Variants in IER2 observed in about 807,000 individuals in gnomAD.
IER2 encodes immediate early response 2.
For missense variants in IER2, 372 were observed against 325.4 expected, an observed-to-expected ratio of 1.14 and a Z score of -1.10; for synonymous variants, 198 against 149.6, an observed-to-expected ratio of 1.32 and a Z score of -2.36.
At chr19:13,152,247 T>C (rs1050642516) in intron 1 of IER2, 2 of 152,198 alleles carry the variant, frequency 1.3e-5, no homozygotes, top group Non-Finnish European at 2.9e-5. Flanking sequence ...GGGACTGTCG[T>C]GCGCGCCGGG....
chr19:13,152,043 T>C (rs1428306790), intron 1 of IER2: 1 of 152,244 alleles, frequency 6.6e-6, no homozygotes, highest in Non-Finnish European at 1.5e-5. Context: ...CGAACAATTC[T>C]GCATCCTATT....
rs753839945 is a variant in IER2 at position 13,153,561 on chromosome 19, C to T, written c.375C>T (p.Ser125=). Residue 125 remains serine, a synonymous_variant, in exon 2 of 2, where the codon AGC becomes AGT. Transcript: ENST00000292433. ...PAKVSRKRRS[S]SLSDGGDAGL... ...AAGTCAGCCGCAAACGACGCAGCAGCAGCCTGAGCGACGGCGGGGACGCTG... is the reference window on the plus strand; with the variant it reads ...AAGTCAGCCGCAAACGACGCAGCAGTAGCCTGAGCGACGGCGGGGACGCTG... The T allele has an allele frequency of 1.1e-5, 18 of 1,596,332 alleles. No individual in the cohort carries two copies. Among genetic ancestry groups the T allele is most frequent in the South Asian group, 3.4e-5 (3 of 89,122 alleles).
chr19:13,153,622 A>AAGGAAGAAG lies in IER2; in HGVS notation c.441_449dup (p.Glu148_Glu150dup). ...GAGCAAGAAAGCCCGTCTGGAAGAAAAGGAAGAAGAGGAGGGAGCGTCATC... is the reference window on the plus strand; with the variant it reads ...GAGCAAGAAAGCCCGTCTGGAAGAAAAGGAAGAAGAGGAAGAAGAGGAGGGAGCGTCATC... On this transcript the variant is annotated inframe_insertion, in exon 2 of 2. Coordinates refer to ENST00000292433, the MANE Select transcript of IER2 (RefSeq NM_004907.3). The AAGGAAGAAG allele has an allele frequency of 1.9e-6, 3 of 1,612,936 alleles. No individual in the cohort carries two copies. Among genetic ancestry groups the AAGGAAGAAG allele is most frequent in the Non-Finnish European group, 2.5e-6 (3 of 1,179,524 alleles).
In IER2 at chr19:13,154,702, G is replaced by C. The variant is rs1278898660; in HGVS notation, c.*844G>C. The stretch of plus-strand genomic sequence containing the variant: ...CTGAATCACGAGAATGTGGAGGGGT[G>C]GGGGGTGTCAGTGGAAAGGCATAAG... On this transcript the variant is annotated 3_prime_UTR_variant, in exon 2 of 2. Transcript: ENST00000292433. The C allele has an allele frequency of 1.2e-5, 2 of 167,104 alleles. No homozygotes were observed. The highest frequency in any genetic ancestry group is 4.8e-5 in the African/African-American group (2 of 41,402). The allele number at this position is 167,104 out of a possible 1,614,324, so 10.4% of individuals were successfully genotyped here. A position where few individuals can be genotyped will look rare whatever the true frequency, so the allele number is the denominator to read the frequency against.
rs2020099427 is a variant in IER2, at chr19:13,153,948, C to T, written c.*90C>T. Reference sequence around the variant, plus strand: ...CTGAGGCGAGGCCACCCCCCTCCATCCTGGGGGAAGCGCCCGCGAAAACCG... The same window carrying T: ...CTGAGGCGAGGCCACCCCCCTCCATTCTGGGGGAAGCGCCCGCGAAAACCG... On this transcript the variant is annotated 3_prime_UTR_variant, in exon 2 of 2. Transcript: ENST00000292433. 8 of 1,174,972 alleles carry T rather than the reference C, an allele frequency of 6.8e-6. No homozygotes were observed. The highest frequency in any genetic ancestry group is 9.1e-6 in the Non-Finnish European group (8 of 882,276). 72.8% of individuals were successfully genotyped at this position (1,174,972 alleles called of 1,614,324 possible).
rs1421836030 is a variant in IER2, at chr19:13,150,989, T to TGGTCTCCAGGGGGGCCCTCTGTGTGTGG, written c.-244+445_-244+472dup. ...GGGTAGCGGGTGGTGGCTTTGAGGA[T>TGGTCTCCAGGGGGGCCCTCTGTGTGTGG]GGTCTCCAGGGGGGCCCTCTGTGTG... On this transcript the variant is annotated intron_variant, in intron 1 of 1. Transcript: ENST00000292433. The surrounding 1 kb of genome is among the most constrained non-coding windows in gnomAD (Gnocchi z 4.0). Among the ~76,000 whole-genome samples the TGGTCTCCAGGGGGGCCCTCTGTGTGTGG allele has an allele frequency of 6.6e-6, 1 of 151,664 alleles. No homozygotes were observed.
rs773669445 is a variant in IER2, at chr19:13,153,441, C to T, written c.255C>T (p.Thr85=). The change falls in exon 2 of 2, where the codon ACC becomes ACT. Residue 85 remains threonine, a synonymous_variant. Transcript: ENST00000292433. ...REAESTAETA[T]PDGEHPFPEP... Reference sequence around the variant, plus strand: ...CCGAGTCCACGGCCGAGACAGCGACCCCCGACGGTGAGCACCCGTTTCCGG... The same window carrying T: ...CCGAGTCCACGGCCGAGACAGCGACTCCCGACGGTGAGCACCCGTTTCCGG... 2.9e-4 allele frequency: 455 copies of T among 1,594,878 alleles called. 1 individual carries two copies. The highest frequency in any genetic ancestry group is 3.7e-4 in the Non-Finnish European group (439 of 1,172,746).
rs1437751783 is a variant in IER2 at position 13,153,251 on chromosome 19, G to A, written c.65G>A (p.Arg22His). Residue 22 changes from arginine (R) to histidine (H), a missense_variant, in exon 2 of 2, where the codon CGC (arginine) becomes CAC (histidine). Physicochemically the swap from Arg to His is conservative, Grantham distance 29 (BLOSUM62 0). Coordinates refer to ENST00000292433, the MANE Select transcript of IER2 (RefSeq NM_004907.3). ...TLSVWKMYHS[R>H]MQRGGLRLHR... is the part of the protein sequence containing the mutation. ...TCGGTGTGGAAGATGTATCACTCCC[G>A]CATGCAGCGCGGTGGCCTGCGGCTG... 2 of 1,581,424 alleles carry A rather than the reference G, an allele frequency of 1.3e-6. No homozygotes were observed. The highest frequency in any genetic ancestry group is 1.8e-5 in the Admixed American group (1 of 54,816).
chr19:13,154,868 G>A lies in IER2; in HGVS notation c.*1010G>A, dbSNP rs1235144561. 6.0e-6 allele frequency: 1 copy of A among 166,578 alleles called. No individual in the cohort carries two copies. Among genetic ancestry groups the A allele is most frequent in the African/African-American group, 2.4e-5 (1 of 41,366 alleles). 10.3% of individuals were successfully genotyped at this position (166,578 alleles called of 1,614,324 possible). ...ACTCCGTCTACCTGGCGTTTTGTTA[G>A]AAATGTCAGATAGGAAAATAAAAAC... On this transcript the variant is annotated 3_prime_UTR_variant, in exon 2 of 2. Coordinates refer to ENST00000292433, the MANE Select transcript of IER2 (RefSeq NM_004907.3).
At chr19:13,152,693 A>C in intron 1 of IER2, 1 of 153,044 alleles carries the variant, frequency 6.5e-6, no homozygotes, top group Non-Finnish European at 1.5e-5. Context: ...TCAGGCTGGA[A>C]CCAGGGTCTT....
chr19:13,153,458 C>G lies in IER2; in HGVS notation c.272C>G (p.Pro91Arg), dbSNP rs752143779. ...ACAGCGACCCCCGACGGTGAGCACC[C>G]GTTTCCGGAGCCAATGGACACGCAG... is the stretch of plus-strand genomic sequence containing the variant. ...AETATPDGEH[P>R]FPEPMDTQEA... Residue 91 changes from proline (P) to arginine (R), a missense_variant, in exon 2 of 2, where the codon CCG becomes CGG. Coordinates refer to ENST00000292433, the MANE Select transcript of IER2 (RefSeq NM_004907.3). 1.3e-6 allele frequency: 2 copies of G among 1,595,686 alleles called. No homozygotes were observed. Among genetic ancestry groups the G allele is most frequent in the Admixed American group, 3.4e-5 (2 of 58,090 alleles).
chr19:13,153,726 G>A lies in IER2; in HGVS notation c.540G>A (p.Arg180=), dbSNP rs977691171. 2.5e-6 allele frequency: 4 copies of A among 1,607,114 alleles called. No individual in the cohort carries two copies. The highest frequency in any genetic ancestry group is 3.4e-6 in the Non-Finnish European group (4 of 1,179,032). ...CCAACCTGGCCCGCGTCCTGCAGAG[G>A]CGCTTCTCCGGCCTCCTGAACTGCA... ...AFPNLARVLQ[R]RFSGLLNCSP... Residue 180 remains arginine (R), a synonymous_variant, in exon 2 of 2, where the codon AGG becomes AGA. Coordinates refer to ENST00000292433, the MANE Select transcript of IER2 (RefSeq NM_004907.3).
chr19:13,153,136 G>A lies in IER2; in HGVS notation c.-51G>A. 1 of 1,390,580 alleles carries A rather than the reference G, an allele frequency of 7.2e-7. No homozygotes were observed. The highest frequency in any genetic ancestry group is 9.6e-7 in the Non-Finnish European group (1 of 1,044,120). 86.1% of individuals were successfully genotyped at this position (1,390,580 alleles called of 1,614,324 possible). ...GCCCGTTGTCCGGAGTGCACCTGCT[G>A]CCTGTTCTGTCCCTCCCGGGAGCCC... is the stretch of plus-strand genomic sequence containing the variant. On this transcript the variant is annotated 5_prime_UTR_variant, in exon 2 of 2. Transcript: ENST00000292433.
rs1319727476 is a variant in IER2 at position 13,150,433 on chromosome 19, G to C, written c.-363G>C. The C allele has an allele frequency of 1.3e-5, 6 of 467,180 alleles. No individual in the cohort carries two copies. The highest frequency in any genetic ancestry group is 2.3e-5 in the Non-Finnish European group (6 of 262,972). 28.9% of individuals were successfully genotyped at this position (467,180 alleles called of 1,614,324 possible). A position where few individuals can be genotyped will look rare whatever the true frequency, so the allele number is the denominator to read the frequency against. On this transcript the variant is annotated 5_prime_UTR_variant, in exon 1 of 2. Coordinates refer to ENST00000292433, the MANE Select transcript of IER2 (RefSeq NM_004907.3). The surrounding 1 kb of genome is among the most constrained non-coding windows in gnomAD (Gnocchi z 4.0). Reference sequence around the variant, plus strand: ...CTTAGCCCTCTCGTGCCGCACCGTAGGGGGCGGTGTCGGAGTTCTGTCTGG... The same window carrying C: ...CTTAGCCCTCTCGTGCCGCACCGTACGGGGCGGTGTCGGAGTTCTGTCTGG...
chr19:13,153,588 A>C lies in IER2; in HGVS notation c.402A>C (p.Gly134=), dbSNP rs771348144. The C allele has an allele frequency of 3.7e-6, 6 of 1,605,824 alleles. No individual in the cohort carries two copies. The highest frequency in any genetic ancestry group is 5.1e-6 in the Non-Finnish European group (6 of 1,176,538). Residue 134 remains glycine, a synonymous_variant, in exon 2 of 2, where the codon GGA becomes GGC. Coordinates refer to ENST00000292433, the MANE Select transcript of IER2 (RefSeq NM_004907.3). ...SSSLSDGGDA[G]LVPSKKARLE... ...GCCTGAGCGACGGCGGGGACGCTGG[A>C]CTGGTCCCGAGCAAGAAAGCCCGTC...
intron 1 of IER2, among the ~76,000 whole-genome samples, chr19:13,151,003 G>C (rs568275014): frequency 1.2e-3 from 180 of 152,232 alleles, no homozygotes; most frequent in African/African-American, 4.0e-3. Context: ...CTCCAGGGGG[G>C]CCCTCTGTGT....
rs1423719102 is a variant in IER2, at chr19:13,154,560, T to G, written c.*702T>G. On this transcript the variant is annotated 3_prime_UTR_variant, in exon 2 of 2. Coordinates refer to ENST00000292433, the MANE Select transcript of IER2 (RefSeq NM_004907.3). ...ACCTTCGGGTGGGAGCGGGGACTGA[T>G]CTACTTTCACATTCTCAAGTTTTTC... 1 of 167,218 alleles carries G rather than the reference T, an allele frequency of 6.0e-6. No individual in the cohort carries two copies. Among genetic ancestry groups the G allele is most frequent in the African/African-American group, 2.4e-5 (1 of 41,434 alleles). 10.4% of individuals were successfully genotyped at this position (167,218 alleles called of 1,614,324 possible).
intron 1 of IER2, among the ~76,000 whole-genome samples, chr19:13,151,010 G>T (rs2020049376): frequency 6.6e-6 from 1 of 152,178 alleles, no homozygotes; most frequent in Non-Finnish European, 1.5e-5. Context: ...GGGGCCCTCT[G>T]TGTGTGGGGT....
In IER2 at chr19:13,153,636, G is replaced by A. The variant is rs754923176; in HGVS notation, c.450G>A (p.Glu150=). The change falls in exon 2 of 2, where the codon GAG becomes GAA. Residue 150 remains glutamate (E), a synonymous_variant. Transcript: ENST00000292433. Reference sequence around the variant, plus strand: ...GTCTGGAAGAAAAGGAAGAAGAGGAGGGAGCGTCATCCGAAGTCGCCGATC... The same window carrying A: ...GTCTGGAAGAAAAGGAAGAAGAGGAAGGAGCGTCATCCGAAGTCGCCGATC... ...KARLEEKEEE[E]GASSEVADRL... 2.7e-5 allele frequency: 43 copies of A among 1,613,108 alleles called. No individual in the cohort carries two copies. The African/African-American group carries it at 3.6e-4, about 14-fold the overall frequency.
Sources: allele counts gnomAD v4.1 joint callset (sites outside exome capture counted in the v4.1 genomes callset), GRCh38; gene constraint gnomAD v4.1.1; non-coding constraint Gnocchi (gnomAD v3.1); transcripts MANE v1.5; gene names NCBI Gene and HGNC (gene_info 2026-07-23, HGNC 2026-07-21).